Variants in DGKB observed in about 807,000 individuals in gnomAD.
The protein encoded by DGKB is diacylglycerol kinase beta.
A neutral mutation model predicts 114.3 loss-of-function variants in DGKB; 67 were observed. That is an observed-to-expected ratio of 0.59 (90% CI 0.48 to 0.72). The LOEUF (loss-of-function observed/expected upper bound fraction) is 0.72. Among genes scored for constraint, DGKB ranks in the 30% least tolerant of loss-of-function variants. DGKB has a pLI of 0.00. For missense variants in DGKB, 907 were observed against 975.2 expected (o/e 0.93, Z 0.93); for synonymous variants, 398 against 323.1 (o/e 1.23, Z -2.49).
At chr7:14,906,449 T>G (rs79876848), upstream of DGKB, among the ~76,000 whole-genome samples, 9 of 33,696 alleles carry the variant, frequency 2.7e-4, no homozygotes, top group Non-Finnish European at 2.8e-4. Context: ...TTTTCTGTCT[T>G]TTTTTTTTTT....
chr7:14,211,289 A>T lies in DGKB; in HGVS notation c.2123-33138T>A, dbSNP rs1562626883. Reference sequence around the variant, plus strand: ...GAAGTCTCTTTCCTTAGCCTCTACTATGTGATATTTACTCTCATGTTTTGT... The same window carrying T: ...GAAGTCTCTTTCCTTAGCCTCTACTTTGTGATATTTACTCTCATGTTTTGT... On this transcript the variant is annotated intron_variant, in intron 23 of 25. Transcript: ENST00000402815. Among the ~76,000 whole-genome samples the T allele has an allele frequency of 4.5e-3, 478 of 106,990 alleles. 34 individuals are homozygous for T. Among genetic ancestry groups the T allele is most frequent in the East Asian group, 0.011 (43 of 3,864 alleles). 70.2% of individuals were successfully genotyped at this position (106,990 alleles called of 152,430 possible).
At chr7:14,614,158 G>C (rs187515366) in intron 15 of DGKB, among the ~76,000 whole-genome samples, 1 of 152,088 alleles carries the variant, frequency 6.6e-6, no homozygotes, top group South Asian at 2.1e-4. Context: ...TTATATTATA[G>C]TGGAGAAATA....
intron 2 of DGKB, among the ~76,000 whole-genome samples, chr7:14,805,756 A>AG (rs1260409165): frequency 6.6e-6 from 1 of 151,808 alleles, no homozygotes; most frequent in Non-Finnish European, 1.5e-5. Flanking sequence ...TATCTTGGCA[A>AG]GAATCCCAAG....
intron 20 of DGKB, among the ~76,000 whole-genome samples, chr7:14,534,860 G>C (rs1221411178): frequency 6.6e-6 from 1 of 152,016 alleles, no homozygotes; most frequent in East Asian, 1.9e-4. Context: ...TGACCATAAA[G>C]GAACAAATAT....
chr7:14,750,371 T>C (rs1833929132), intron 4 of DGKB, among the ~76,000 whole-genome samples: 4 of 152,208 alleles, frequency 2.6e-5, no homozygotes, highest in Non-Finnish European at 5.9e-5. Flanking sequence ...TTAAAAGTAA[T>C]GGTACGATTA....
At chr7:14,657,331 T>C (rs1816055392) in intron 13 of DGKB, among the ~76,000 whole-genome samples, 1 of 151,756 alleles carries the variant, frequency 6.6e-6, no homozygotes, top group African/African-American at 2.4e-5. Context: ...ACCATGAAAT[T>C]GAGTCTGAGT....
chr7:14,148,928 T>C lies in DGKB; in HGVS notation c.*203A>G. 1 of 580,576 alleles carries C rather than the reference T, an allele frequency of 1.7e-6. No individual in the cohort carries two copies. The highest frequency in any genetic ancestry group is 3.2e-5 in the Admixed American group (1 of 30,878). The allele number at this position is 580,576 out of a possible 1,614,324, so 36.0% of individuals were successfully genotyped here. On this transcript the variant is annotated 3_prime_UTR_variant, in exon 26 of 26. Transcript: ENST00000402815. Reference sequence around the variant, plus strand: ...TATCACTTCAGGTAAACTTCTGCTTTCTTCATGCAAAGATGCCTATAAAAA... The same window carrying C: ...TATCACTTCAGGTAAACTTCTGCTTCCTTCATGCAAAGATGCCTATAAAAA...
intron 19 of DGKB, among the ~76,000 whole-genome samples, chr7:14,579,702 G>A (rs559036270): frequency 9.9e-5 from 15 of 152,080 alleles, no homozygotes; most frequent in African/African-American, 3.6e-4. Flanking sequence ...AGTCAAGCAC[G>A]TATACAGCTT....
chr7:14,362,579 T>C (rs1312881489), intron 21 of DGKB, among the ~76,000 whole-genome samples: 1 of 152,016 alleles, frequency 6.6e-6, no homozygotes, highest in African/African-American at 2.4e-5. Flanking sequence ...TTAGATTGCT[T>C]ATATAACTTA....
At chr7:14,416,337 A>T (rs1013807682) in intron 21 of DGKB, among the ~76,000 whole-genome samples, 1 of 152,150 alleles carries the variant, frequency 6.6e-6, no homozygotes, top group African/African-American at 2.4e-5. Flanking sequence ...TTTGGAAGGT[A>T]AGAGGATGTC....
At chr7:14,498,814 A>G (rs1274282221) in intron 20 of DGKB, among the ~76,000 whole-genome samples, 1 of 151,774 alleles carries the variant, frequency 6.6e-6, no homozygotes, top group South Asian at 2.1e-4. Context: ...AATATAGTTT[A>G]TTTACTTGCG....
At chr7:14,516,365 T>C (rs1788797208) in intron 20 of DGKB, among the ~76,000 whole-genome samples, 11 of 152,204 alleles carry the variant, frequency 7.2e-5, no homozygotes. Flanking sequence ...AACAATACTG[T>C]TAATACTTTC....
At chr7:14,720,849 TAA>T (rs558389660) in intron 5 of DGKB, among the ~76,000 whole-genome samples, 57 of 130,010 alleles carry the variant, frequency 4.4e-4, no homozygotes, top group Non-Finnish European at 4.0e-4. Context: ...TCCTGAGCTT[TAA>T]AAAAAAAAAA....
intron 23 of DGKB, among the ~76,000 whole-genome samples, chr7:14,305,604 T>C (rs963185246): frequency 6.6e-6 from 1 of 152,174 alleles, no homozygotes; most frequent in African/African-American, 2.4e-5. Context: ...ACAGCATTTA[T>C]TTATAGTTCT....
chr7:14,473,673 G>A (rs1225258846), intron 21 of DGKB, among the ~76,000 whole-genome samples: 1 of 152,146 alleles, frequency 6.6e-6, no homozygotes, highest in Non-Finnish European at 1.5e-5. Flanking sequence ...CAGGATGGGG[G>A]ACTATACCCT....
At chr7:14,159,063 C>T (rs1473647110) in intron 25 of DGKB, among the ~76,000 whole-genome samples, 1 of 152,154 alleles carries the variant, frequency 6.6e-6, no homozygotes, top group African/African-American at 2.4e-5. Flanking sequence ...TGCACATCTA[C>T]TCACATCACT....
chr7:14,411,178 T>C (rs1241747096), intron 21 of DGKB, among the ~76,000 whole-genome samples: 3 of 152,128 alleles, frequency 2.0e-5, no homozygotes, highest in Non-Finnish European at 2.9e-5. Context: ...AAAATAAGCT[T>C]TGTGTTCGAT....
chr7:14,157,607 C>T (rs937021016), intron 25 of DGKB, among the ~76,000 whole-genome samples: 1 of 152,134 alleles, frequency 6.6e-6, no homozygotes, highest in African/African-American at 2.4e-5. Context: ...TATTTGGCCA[C>T]ATTGCATGGG....
chr7:14,152,284 A>G (rs1397749752), intron 25 of DGKB, among the ~76,000 whole-genome samples: 1 of 152,104 alleles, frequency 6.6e-6, no homozygotes, highest in African/African-American at 2.4e-5. Context: ...ATTCCTTGAT[A>G]CATCAAATAT....
Sources: gnomAD v4.1 joint callset for allele counts (sites outside exome capture counted in the v4.1 genomes callset) on GRCh38, gnomAD v4.1.1 for gene constraint, MANE v1.5 for transcripts, NCBI Gene and HGNC (gene_info 2026-07-23, HGNC 2026-07-21) for gene names.